Variants in AUTS2 observed in about 807,000 individuals in gnomAD.
AUTS2 encodes the protein autism susceptibility gene 2 protein.
Under a neutral mutation model 112.4 loss-of-function variants are expected in AUTS2, and 17 were observed. The observed-to-expected ratio is 0.15, with a 90% CI of 0.10 to 0.23. The LOEUF is 0.23. AUTS2 is among the 10% of genes least tolerant of loss of function. The pLI, the probability that AUTS2 is intolerant of heterozygous loss-of-function variation, is 1.00. For synonymous variants in AUTS2, 751 were observed against 702.7 expected, an observed-to-expected ratio of 1.07 and a Z score of -1.09; for missense variants, 1,510 against 1,701.6, an observed-to-expected ratio of 0.89 and a Z score of 1.98.
chr7:70,709,084 AT>A (rs1170656590), intron 6 of AUTS2, among the ~76,000 whole-genome samples: 1 of 151,554 alleles, frequency 6.6e-6, no homozygotes, highest in African/African-American at 2.4e-5. Flanking sequence ...CGCCTCGCTA[AT>A]TTTTTGTATT....
At chr7:70,717,574 T>C (rs1384353773) in intron 6 of AUTS2, among the ~76,000 whole-genome samples, 1 of 152,160 alleles carries the variant, frequency 6.6e-6, no homozygotes, top group African/African-American at 2.4e-5. Flanking sequence ...GTTAATCCTT[T>C]TTTGCCTGTT....
intron 2 of AUTS2, among the ~76,000 whole-genome samples, chr7:69,956,568 C>A (rs963580608): frequency 6.6e-6 from 1 of 152,066 alleles, no homozygotes. Context: ...TTAGGATAAT[C>A]CATGGGAGCA....
intron 4 of AUTS2, among the ~76,000 whole-genome samples, chr7:70,219,328 A>G (rs1405052727): frequency 2.6e-5 from 4 of 152,312 alleles, no homozygotes; most frequent in East Asian, 1.9e-4. Flanking sequence ...TAGTAAACTA[A>G]TTAGCCAGAA....
chr7:70,519,009 T>G (rs986404704), intron 5 of AUTS2, among the ~76,000 whole-genome samples: 3 of 152,146 alleles, frequency 2.0e-5, no homozygotes, highest in Non-Finnish European at 4.4e-5. Context: ...CCGCCAATAA[T>G]ATGTACCTCT....
At chr7:70,647,820 A>T (rs1423593462) in intron 5 of AUTS2, among the ~76,000 whole-genome samples, 1 of 152,240 alleles carries the variant, frequency 6.6e-6, no homozygotes, top group East Asian at 1.9e-4. Flanking sequence ...TTTTGGAATG[A>T]AACAGTGGCC....
At chr7:69,978,788 A>G (rs915909484) in intron 2 of AUTS2, among the ~76,000 whole-genome samples, 1 of 151,460 alleles carries the variant, frequency 6.6e-6, no homozygotes, top group Non-Finnish European at 1.5e-5. Flanking sequence ...TGAGGCTGCA[A>G]TGAGCCATGA....
intron 2 of AUTS2, among the ~76,000 whole-genome samples, chr7:70,112,120 G>A (rs1805118525): frequency 6.6e-6 from 1 of 151,794 alleles, no homozygotes; most frequent in East Asian, 1.9e-4. Flanking sequence ...TTAAGTCCAT[G>A]AGTTAACTTC....
At chr7:69,999,561 T>C (rs559974290) in intron 2 of AUTS2, among the ~76,000 whole-genome samples, 61 of 152,306 alleles carry the variant, frequency 4.0e-4, no homozygotes, top group African/African-American at 1.4e-3. Flanking sequence ...TCTCTGTTTT[T>C]TGTAAGTGTT....
chr7:70,251,343 G>A (rs1462601203), intron 4 of AUTS2, among the ~76,000 whole-genome samples: 2 of 152,084 alleles, frequency 1.3e-5, no homozygotes, highest in African/African-American at 2.4e-5. Context: ...GATTACAGGC[G>A]TGAACCACCA....
Position 70,399,341 on chromosome 7 carries a change from C to A in AUTS2, c.661-36411C>A, listed in dbSNP as rs79674109. On this transcript the variant is annotated intron_variant, in intron 4 of 18. Transcript: ENST00000342771. The stretch of plus-strand genomic sequence containing the variant: ...ATGGTGAATTATATTCATAGATTTC[C>A]AATATTACGCCATTCTATGTACATT... Among the ~76,000 whole-genome samples, 955 of 152,110 alleles carry A rather than the reference C, an allele frequency of 6.3e-3. 7 individuals carry two copies. The highest frequency in any genetic ancestry group is 0.019 in the African/African-American group (792 of 41,484).
chr7:70,538,860 T>C (rs1055171208), intron 5 of AUTS2, among the ~76,000 whole-genome samples: 2 of 152,262 alleles, frequency 1.3e-5, no homozygotes. Flanking sequence ...TATTCTTTCC[T>C]TCATCAAACA....
rs147919652 is a variant in AUTS2 at position 70,500,714 on chromosome 7, C to T, written c.690+64933C>T. 4.1e-3 allele frequency among the ~76,000 whole-genome samples: 616 copies of T among 152,086 alleles called. 3 individuals carry two copies. The highest frequency in any genetic ancestry group is 0.014 in the African/African-American group (584 of 41,492). ...CTCCAGGCACAAAATAATGGGTTGA[C>T]CAAATTGATAATTTTTTTTTTTTTT... On this transcript the variant is annotated intron_variant, in intron 5 of 18. Transcript: ENST00000342771.
intron 6 of AUTS2, among the ~76,000 whole-genome samples, chr7:70,757,079 T>C (rs1402107932): frequency 6.6e-6 from 1 of 152,214 alleles, no homozygotes; most frequent in African/African-American, 2.4e-5. Context: ...TATCCTCCAA[T>C]GGGAACTATC....
At chr7:70,760,599 G>A (rs1257243930) in intron 6 of AUTS2, among the ~76,000 whole-genome samples, 1 of 152,232 alleles carries the variant, frequency 6.6e-6, no homozygotes, top group Non-Finnish European at 1.5e-5. Flanking sequence ...AAGACACATG[G>A]AGAGACACAG....
intron 1 of AUTS2, among the ~76,000 whole-genome samples, chr7:69,738,234 T>G (rs1787118439): frequency 6.6e-6 from 1 of 152,072 alleles, no homozygotes; most frequent in African/African-American, 2.4e-5. Flanking sequence ...GATCCATTTT[T>G]TTTTTCCTTC....
At chr7:70,777,312 A>G in intron 14 of AUTS2, 138 bp downstream of exon 14, 1 of 784,380 alleles carries the variant, frequency 1.3e-6, no homozygotes. Context: ...CCTCTCTTGG[A>G]AAAGCTACTC....
intron 16 of AUTS2, chr7:70,785,375 G>T (rs1344299052): frequency 1.9e-6 from 1 of 526,516 alleles, no homozygotes; most frequent in East Asian, 5.0e-5. Flanking sequence ...CATAGCAAAG[G>T]TCACCTCTAG....
At chr7:70,768,603 T>G (rs1436839694) in intron 10 of AUTS2, among the ~76,000 whole-genome samples, 1 of 152,154 alleles carries the variant, frequency 6.6e-6, no homozygotes, top group Non-Finnish European at 1.5e-5. Flanking sequence ...ATCACTTAAT[T>G]AAAAGAAACT....
At chr7:70,433,246 A>G (rs540154699) in intron 4 of AUTS2, among the ~76,000 whole-genome samples, 11 of 151,976 alleles carry the variant, frequency 7.2e-5, no homozygotes, top group Non-Finnish European at 1.3e-4. Context: ...TTTCCCAGCT[A>G]CCCCACTCCT....
Sources: gnomAD v4.1 joint callset for allele counts (sites outside exome capture counted in the v4.1 genomes callset) on GRCh38, gnomAD v4.1.1 for gene constraint, MANE v1.5 for transcripts, NCBI Gene and HGNC (gene_info 2026-07-23, HGNC 2026-07-21) for gene names.